NMNAT2: variants seen among roughly 807,000 people sequenced by gnomAD.
NMNAT2 encodes the protein nicotinamide/nicotinic acid mononucleotide adenylyltransferase 2.
NMNAT2 carries 11 observed loss-of-function variants against 41.6 expected under a neutral mutation model. The ratio of observed to expected loss-of-function variants is 0.26; its 90% CI spans 0.17 to 0.44. The LOEUF is 0.44. NMNAT2 is among the 20% of genes least tolerant of loss of function. The pLI, the probability that NMNAT2 is intolerant of heterozygous loss-of-function variation, is 1.00. For synonymous variants in NMNAT2, 148 were observed against 151.2 expected, an observed-to-expected ratio of 0.98 and a Z score of 0.16; for missense variants, 288 against 407.7, an observed-to-expected ratio of 0.71 and a Z score of 2.53.
intron 1 of NMNAT2, among the ~76,000 whole-genome samples, chr1:183,360,256 C>T (rs986964303): frequency 6.6e-6 from 1 of 152,078 alleles, no homozygotes; most frequent in South Asian, 2.1e-4. Flanking sequence ...GATGAGGAAG[C>T]CAGATTTCAG....
At chr1:183,341,748 C>CAAAAAAAAAAAAAAA (rs369432128) in intron 1 of NMNAT2, among the ~76,000 whole-genome samples, 9 of 79,840 alleles carry the variant, frequency 1.1e-4, no homozygotes, top group South Asian at 1.0e-3. Context: ...AAAAAAAAAA[C>CAAAAAAAAAAAAAAA]CTGTTTCCTT....
intron 1 of NMNAT2, among the ~76,000 whole-genome samples, chr1:183,313,121 C>G (rs1236323620): frequency 2.6e-5 from 4 of 151,578 alleles, no homozygotes; most frequent in South Asian, 4.2e-4. Context: ...CCAACACGCA[C>G]GCATCTATTC....
intron 1 of NMNAT2, among the ~76,000 whole-genome samples, chr1:183,310,951 A>T (rs1360026461): frequency 6.6e-6 from 1 of 152,174 alleles, no homozygotes; most frequent in African/African-American, 2.4e-5. Flanking sequence ...CAAATAGCAT[A>T]TGACAAATCT....
intron 1 of NMNAT2, among the ~76,000 whole-genome samples, chr1:183,359,603 C>G (rs547078626): frequency 6.6e-6 from 1 of 152,274 alleles, no homozygotes; most frequent in South Asian, 2.1e-4. Flanking sequence ...TTTGTCCAAG[C>G]AGGACAGAGG....
In NMNAT2 at chr1:183,371,701, G is replaced by A. The variant is rs1396773081; in HGVS notation, c.85+46482C>T. ...TATTCTGAGCTCTGCTGAGTCTGCT[G>A]CTGGCTGGAAGGCAAGAAGAGAGGA... On this transcript the variant is annotated intron_variant, in intron 1 of 10. Transcript: ENST00000287713. Among the ~76,000 whole-genome samples, 3 of 152,322 alleles carry A rather than the reference G, an allele frequency of 2.0e-5. No homozygotes were observed. In the East Asian group the frequency reaches 5.8e-4, roughly 29 times the overall value.
intron 1 of NMNAT2, among the ~76,000 whole-genome samples, chr1:183,318,668 C>T (rs1416863739): frequency 6.6e-6 from 1 of 152,158 alleles, no homozygotes; most frequent in East Asian, 1.9e-4. Context: ...TCCTTCCTGC[C>T]TTGAGCCAGA....
chr1:183,334,068 C>T (rs939088445), intron 1 of NMNAT2, among the ~76,000 whole-genome samples: 3 of 152,266 alleles, frequency 2.0e-5, no homozygotes, highest in African/African-American at 4.8e-5. Flanking sequence ...TCTTCCTCAC[C>T]GTCTCATTTT....
intron 1 of NMNAT2, among the ~76,000 whole-genome samples, chr1:183,355,318 T>C (rs1485117644): frequency 6.6e-6 from 1 of 152,210 alleles, no homozygotes; most frequent in Non-Finnish European, 1.5e-5. Flanking sequence ...TTATGATATA[T>C]TAGTGGTTCT....
At chr1:183,305,902 A>C (rs1661982830) in intron 1 of NMNAT2, among the ~76,000 whole-genome samples, 1 of 151,852 alleles carries the variant, frequency 6.6e-6, no homozygotes. Flanking sequence ...TTGTATTTTT[A>C]GTAGAGATGG....
At chr1:183,284,668 G>GA (rs1226765523) in intron 6 of NMNAT2, 42 bp downstream of exon 6, 1 of 1,519,270 alleles carries the variant, frequency 6.6e-7, no homozygotes, top group Non-Finnish European at 9.1e-7. Flanking sequence ...AGGAGAGAAA[G>GA]AAAAGAGACA....
At chr1:183,286,820 T>A (rs759149858) in intron 4 of NMNAT2, 32 bp from the exon 5 acceptor site, 4 of 1,594,258 alleles carry the variant, frequency 2.5e-6, no homozygotes, top group South Asian at 1.1e-5. Context: ...TTATTAGTCA[T>A]GTGACTTTGA....
At chr1:183,378,300 A>G (rs1284235202) in intron 1 of NMNAT2, among the ~76,000 whole-genome samples, 2 of 152,042 alleles carry the variant, frequency 1.3e-5, no homozygotes, top group Non-Finnish European at 2.9e-5. Context: ...AGGCTGAGGT[A>G]GGATAATCGC....
intron 1 of NMNAT2, among the ~76,000 whole-genome samples, chr1:183,368,579 C>T (rs142756125): frequency 3.9e-5 from 6 of 152,260 alleles, no homozygotes; most frequent in South Asian, 2.1e-4. Flanking sequence ...CCAGATTGAC[C>T]GTGTGTGTCT....
At chr1:183,382,498 CA>C (rs1267798753) in intron 1 of NMNAT2, among the ~76,000 whole-genome samples, 2 of 152,182 alleles carry the variant, frequency 1.3e-5, no homozygotes, top group African/African-American at 4.8e-5. Flanking sequence ...GTCCACATTC[CA>C]AAGTCTCATC....
intron 1 of NMNAT2, among the ~76,000 whole-genome samples, chr1:183,313,119 C>A (rs544519111): frequency 6.6e-6 from 1 of 152,044 alleles, no homozygotes; most frequent in African/African-American, 2.4e-5. Flanking sequence ...CCCCAACACG[C>A]ACGCATCTAT....
At chr1:183,369,260 TTTC>T (rs1244064972) in intron 1 of NMNAT2, among the ~76,000 whole-genome samples, 3 of 75,772 alleles carry the variant, frequency 4.0e-5, no homozygotes, top group Non-Finnish European at 5.7e-5. Flanking sequence ...TTTCTTTTCT[TTTC>T]TTTTTTTTTT....
chr1:183,313,514 C>G (rs959482517), intron 1 of NMNAT2, among the ~76,000 whole-genome samples: 7 of 151,990 alleles, frequency 4.6e-5, no homozygotes, highest in African/African-American at 1.7e-4. Flanking sequence ...GAGTCTCGCT[C>G]TTTTGCCCAG....
chr1:183,300,169 C>T (rs962346707), intron 1 of NMNAT2, among the ~76,000 whole-genome samples: 2 of 151,914 alleles, frequency 1.3e-5, no homozygotes, highest in Non-Finnish European at 2.9e-5. Context: ...TTTGGGAGGC[C>T]GAGGTGGGCG....
intron 1 of NMNAT2, among the ~76,000 whole-genome samples, chr1:183,356,932 T>C (rs564427994): frequency 7.9e-5 from 12 of 152,320 alleles, no homozygotes; most frequent in African/African-American, 2.4e-4. Context: ...CCATGGTGCA[T>C]AGGTCTACTG....
Sources: gnomAD v4.1 joint callset for allele counts (sites outside exome capture counted in the v4.1 genomes callset) on GRCh38, gnomAD v4.1.1 for gene constraint, MANE v1.5 for transcripts, NCBI Gene and HGNC (gene_info 2026-07-23, HGNC 2026-07-21) for gene names.